CDK9: variants seen among roughly 807,000 people sequenced by gnomAD.
The protein encoded by CDK9 is cyclin dependent kinase 9.
A neutral mutation model predicts 39.0 loss-of-function variants in CDK9; 34 were observed. The ratio of observed to expected loss-of-function variants is 0.87; its 90% CI spans 0.66 to 1.16. The LOEUF (loss-of-function observed/expected upper bound fraction) is 1.16. CDK9 is among the 50% of genes most tolerant of loss of function. The pLI is 0.00. For synonymous variants in CDK9, 233 were observed against 196.2 expected (o/e 1.19, Z -1.57); for missense variants, 369 against 503.2 (o/e 0.73, Z 2.55).
At chr9:127,787,717 A>C (rs1171843119) in intron 3 of CDK9, 109 bp downstream of exon 3, 26 of 913,478 alleles carry the variant, frequency 2.8e-5, no homozygotes, top group South Asian at 1.0e-4. Flanking sequence ...AGATGGACCC[A>C]TGGTGACTGC....
chr9:127,787,202 T>C (rs1829343079), intron 2 of CDK9, among the ~76,000 whole-genome samples: 1 of 152,236 alleles, frequency 6.6e-6, no homozygotes, highest in African/African-American at 2.4e-5. Context: ...TTTTGCGTAA[T>C]GTGCATTAGC....
At chr9:127,786,847 C>G in intron 2 of CDK9, 65 bp downstream of exon 2, 1 of 1,339,556 alleles carries the variant, frequency 7.5e-7, no homozygotes, top group Non-Finnish European at 1.1e-6. Context: ...CGGTTTTCCA[C>G]CCTGCTGCTT....
chr9:127,788,800 G>C, intron 6 of CDK9, 108 bp downstream of exon 6: 1 of 1,184,636 alleles, frequency 8.4e-7, no homozygotes, highest in African/African-American at 1.5e-5. Context: ...AGGCTGGTTT[G>C]GTGACAGGGC....
chr9:127,786,118 TG>T lies in CDK9; in HGVS notation c.-26del. ...GAGCAGGAGCGGCGGCAGCAGCGAC[TG>T]GGGGCGGCGGCGGCGCGTTGGAGGC... On this transcript the variant is annotated 5_prime_UTR_variant, in exon 1 of 7. Coordinates refer to ENST00000373264, the MANE Select transcript of CDK9 (RefSeq NM_001261.4). 1.3e-6 allele frequency: 2 copies of T among 1,546,074 alleles called. No homozygotes were observed. Among genetic ancestry groups the T allele is most frequent in the Admixed American group, 1.8e-5 (1 of 57,126 alleles).
chr9:127,786,927 C>G, intron 2 of CDK9, 145 bp downstream of exon 2: 1 of 657,356 alleles, frequency 1.5e-6, no homozygotes, highest in Non-Finnish European at 2.6e-6. Context: ...GTGGCTTCCA[C>G]CCTAAAACTA....
At position 127,788,528 on chromosome 9, in the gene CDK9, G is replaced by A; in HGVS notation, c.605-16G>A. 1.3e-6 allele frequency: 2 copies of A among 1,550,994 alleles called. No homozygotes were observed. The highest frequency in any genetic ancestry group is 1.7e-6 in the Non-Finnish European group (2 of 1,147,022). On this transcript the variant is annotated splice_polypyrimidine_tract_variant and intron_variant, in intron 5 of 6. Transcript: ENST00000373264. ...CTCGGGCTCAAGGGGCCCTCCTGGT[G>A]CGCTCTTCTTCCCAGGGGAGCGGGA...
Position 127,789,027 on chromosome 9 carries a change from A to T in CDK9, c.754-151A>T. On this transcript the variant is annotated intron_variant, in intron 6 of 6. Transcript: ENST00000373264. The surrounding 1 kb of genome is among the most constrained non-coding windows in gnomAD (Gnocchi z 5.2). ...CCTGGCACGTGGTATGTGCCAATCCATAGCGGGCACTGCTTCTGGGAGGGG... is the reference window on the plus strand; with the variant it reads ...CCTGGCACGTGGTATGTGCCAATCCTTAGCGGGCACTGCTTCTGGGAGGGG... 1 of 1,012,064 alleles carries T rather than the reference A, an allele frequency of 9.9e-7. No homozygotes were observed. Among genetic ancestry groups the T allele is most frequent in the Non-Finnish European group, 1.4e-6 (1 of 703,756 alleles). 62.7% of individuals were successfully genotyped at this position (1,012,064 alleles called of 1,614,324 possible).
chr9:127,789,230 A>G lies in CDK9; in HGVS notation c.806A>G (p.Lys269Arg). 1 of 1,610,346 alleles carries G rather than the reference A, an allele frequency of 6.2e-7. No homozygotes were observed. The highest frequency in any genetic ancestry group is 8.5e-7 in the Non-Finnish European group (1 of 1,177,270). Residue 269 changes from lysine to arginine, a missense_variant, in exon 7 of 7, where the codon AAG becomes AGG. Lys to Arg is a conservative substitution (Grantham distance 26, BLOSUM62 2). Coordinates refer to ENST00000373264, the MANE Select transcript of CDK9 (RefSeq NM_001261.4). This position sits in a 1 kb window ranked among gnomAD's most constrained non-coding sequence, Gnocchi z 5.2. ...YELYEKLELV[K>R]GQKRKVKDRL... Reference sequence around the variant, plus strand: ...CTGTACGAAAAGCTGGAGCTGGTCAAGGGCCAGAAGCGGAAGGTGAAGGAC... The same window carrying G: ...CTGTACGAAAAGCTGGAGCTGGTCAGGGGCCAGAAGCGGAAGGTGAAGGAC...
Position 127,786,114 on chromosome 9 carries a change from C to A in CDK9, c.-35C>A. On this transcript the variant is annotated 5_prime_UTR_variant, in exon 1 of 7. Transcript: ENST00000373264. ...CCCGGAGCAGGAGCGGCGGCAGCAG[C>A]GACTGGGGGCGGCGGCGGCGCGTTG... 1 of 1,527,260 alleles carries A rather than the reference C, an allele frequency of 6.5e-7. No homozygotes were observed. The highest frequency in any genetic ancestry group is 8.9e-7 in the Non-Finnish European group (1 of 1,117,678). 94.6% of individuals were successfully genotyped at this position (1,527,260 alleles called of 1,614,324 possible). A position where few individuals can be genotyped will look rare whatever the true frequency, so the allele number is the denominator to read the frequency against.
Position 127,789,596 on chromosome 9 carries a change from C to T in CDK9, c.*53C>T, listed in dbSNP as rs756038382. Reference sequence around the variant, plus strand: ...GTGTTTTTTTTCTTCTGCTATGTGACTTGCATCGTGGAGACAGGGCATTTG... The same window carrying T: ...GTGTTTTTTTTCTTCTGCTATGTGATTTGCATCGTGGAGACAGGGCATTTG... On this transcript the variant is annotated 3_prime_UTR_variant, in exon 7 of 7. Coordinates refer to ENST00000373264, the MANE Select transcript of CDK9 (RefSeq NM_001261.4). This position sits in a 1 kb window ranked among gnomAD's most constrained non-coding sequence, Gnocchi z 5.2. The T allele has an allele frequency of 7.7e-5, 122 of 1,579,180 alleles. No homozygotes were observed. The highest frequency in any genetic ancestry group is 9.8e-5 in the Non-Finnish European group (114 of 1,163,266).
rs1829396654 is a variant in CDK9 at position 127,789,864 on chromosome 9, C to G, written c.*321C>G. 2.9e-6 allele frequency: 1 copy of G among 344,474 alleles called. No individual in the cohort carries two copies. Among genetic ancestry groups the G allele is most frequent in the Admixed American group, 4.6e-5 (1 of 21,846 alleles). 21.3% of individuals were successfully genotyped at this position (344,474 alleles called of 1,614,324 possible). Reference sequence around the variant, plus strand: ...GAAGAGGGGACAGGTCCCTCACCCACCCACAATCCTATTCTCGGGCTGAGA... The same window carrying G: ...GAAGAGGGGACAGGTCCCTCACCCAGCCACAATCCTATTCTCGGGCTGAGA... On this transcript the variant is annotated 3_prime_UTR_variant, in exon 7 of 7. Coordinates refer to ENST00000373264, the MANE Select transcript of CDK9 (RefSeq NM_001261.4). The surrounding 1 kb of genome is among the most constrained non-coding windows in gnomAD (Gnocchi z 5.2).
chr9:127,788,426 CA>C, intron 5 of CDK9, 41 bp downstream of exon 5: 1 of 1,583,860 alleles, frequency 6.3e-7, no homozygotes, highest in Non-Finnish European at 8.6e-7. Context: ...GAGGGCCAGG[CA>C]TCTACCTGGC....
At position 127,789,052 on chromosome 9, in the gene CDK9, G is replaced by T; in HGVS notation, c.754-126G>T. ...ATAGCGGGCACTGCTTCTGGGAGGG[G>T]TCGAGTAGCAGTCTGGGAGCCTCCG... is the stretch of plus-strand genomic sequence containing the variant. On this transcript the variant is annotated intron_variant, in intron 6 of 6. Coordinates refer to ENST00000373264, the MANE Select transcript of CDK9 (RefSeq NM_001261.4). The surrounding 1 kb of genome is among the most constrained non-coding windows in gnomAD (Gnocchi z 5.2). The T allele has an allele frequency of 7.9e-7, 1 of 1,262,698 alleles. No individual in the cohort carries two copies. The highest frequency in any genetic ancestry group is 1.1e-6 in the Non-Finnish European group (1 of 925,014). 78.2% of individuals were successfully genotyped at this position (1,262,698 alleles called of 1,614,324 possible). A position where few individuals can be genotyped will look rare whatever the true frequency, so the allele number is the denominator to read the frequency against.
At position 127,789,677 on chromosome 9, in the gene CDK9, G is replaced by C; in HGVS notation, c.*134G>C. 1 of 1,194,490 alleles carries C rather than the reference G, an allele frequency of 8.4e-7. No homozygotes were observed. The highest frequency in any genetic ancestry group is 2.0e-4 in the Middle Eastern group (1 of 4,916). The allele number at this position is 1,194,490 out of a possible 1,614,324, so 74.0% of individuals were successfully genotyped here. On this transcript the variant is annotated 3_prime_UTR_variant, in exon 7 of 7. Transcript: ENST00000373264. The surrounding 1 kb of genome is among the most constrained non-coding windows in gnomAD (Gnocchi z 5.2). ...ATCCCCACCCTGGGCTCTGGGAGCA[G>C]CCCGCTGAGTGGACTGGAGTGGAGC...
At position 127,786,123 on chromosome 9, in the gene CDK9, G is replaced by T. The variant is rs1829307367; in HGVS notation, c.-26G>T. 1.3e-6 allele frequency: 2 copies of T among 1,554,822 alleles called. No homozygotes were observed. The highest frequency in any genetic ancestry group is 1.8e-6 in the Non-Finnish European group (2 of 1,140,484). On this transcript the variant is annotated 5_prime_UTR_variant, in exon 1 of 7. Coordinates refer to ENST00000373264, the MANE Select transcript of CDK9 (RefSeq NM_001261.4). Reference sequence around the variant, plus strand: ...GGAGCGGCGGCAGCAGCGACTGGGGGCGGCGGCGGCGCGTTGGAGGCGGCC... The same window carrying T: ...GGAGCGGCGGCAGCAGCGACTGGGGTCGGCGGCGGCGCGTTGGAGGCGGCC...
chr9:127,788,578 G>T lies in CDK9; in HGVS notation c.639G>T (p.Trp213Cys), dbSNP rs1829372626. ...ACTACGGCCCCCCCATTGACCTGTG[G>T]GGTGCTGGGTGCATCATGGCAGAGA... ...ERDYGPPIDL[W>C]GAGCIMAEMW... Residue 213 changes from tryptophan (W) to cysteine (C), a missense_variant, in exon 6 of 7, where the codon TGG becomes TGT. By Grantham distance (215) the Trp-to-Cys change is radical. Transcript: ENST00000373264. The T allele has an allele frequency of 6.3e-7, 1 of 1,583,156 alleles. No homozygotes were observed.
chr9:127,788,460 C>A, intron 5 of CDK9, 75 bp downstream of exon 5: 1 of 1,543,214 alleles, frequency 6.5e-7, no homozygotes. Flanking sequence ...ACTGCCAGGG[C>A]TTCTTGAGCT....
chr9:127,787,883 G>A, intron 3 of CDK9, 64 bp from the exon 4 acceptor site: 1 of 1,555,764 alleles, frequency 6.4e-7, no homozygotes, highest in Non-Finnish European at 8.8e-7. Flanking sequence ...GAAAGAAGCT[G>A]GTTGTGGGAA....
intron 1 of CDK9, 66 bp from the exon 2 acceptor site, chr9:127,786,635 G>A: frequency 7.2e-7 from 1 of 1,380,950 alleles, no homozygotes; most frequent in African/African-American, 1.4e-5. Context: ...TCCTCCTGTA[G>A]TGGGGGAGGG....
Sources: gnomAD v4.1 joint callset for allele counts (sites outside exome capture counted in the v4.1 genomes callset) on GRCh38, gnomAD v4.1.1 for gene constraint, Gnocchi (gnomAD v3.1) non-coding constraint, MANE v1.5 for transcripts, NCBI Gene and HGNC (gene_info 2026-07-23, HGNC 2026-07-21) for gene names.